GARIN1A: variants seen among roughly 807,000 people sequenced by gnomAD.
The protein encoded by GARIN1A is golgi associated RAB2 interactor 1A.
the GARIN1A span, among the ~76,000 whole-genome samples, chr7:128,682,595 T>C: frequency 0.014 from 2,060 of 152,262 alleles, 52 homozygotes; most frequent in African/African-American, 0.047. Flanking sequence ...TTTGTGTTGT[T>C]TTTTGAGAAG....
chr7:128,708,308 T>C, the GARIN1A span, among the ~76,000 whole-genome samples: 2 of 152,012 alleles, frequency 1.3e-5, no homozygotes, highest in Non-Finnish European at 2.9e-5. Flanking sequence ...ATTATAGGTG[T>C]GAGTCATTGC....
At chr7:128,678,799 CAA>C in the GARIN1A span, among the ~76,000 whole-genome samples, 10 of 80,624 alleles carry the variant, frequency 1.2e-4, no homozygotes, top group Admixed American at 2.7e-4. Context: ...AACTCCATCT[CAA>C]AAAAAAAAAA....
the GARIN1A span, among the ~76,000 whole-genome samples, chr7:128,673,423 C>G: frequency 6.6e-6 from 1 of 152,164 alleles, no homozygotes. Context: ...CCAGAAGGGT[C>G]TTAAGCCATT....
the GARIN1A span, among the ~76,000 whole-genome samples, chr7:128,692,256 TG>T: frequency 6.6e-6 from 1 of 152,224 alleles, no homozygotes. Flanking sequence ...TGCCAGTGCC[TG>T]GGTCCTACTA....
the GARIN1A span, among the ~76,000 whole-genome samples, chr7:128,701,605 A>C: frequency 1.5e-4 from 23 of 152,014 alleles, no homozygotes; most frequent in African/African-American, 5.6e-4. Flanking sequence ...CCAGAGTGGC[A>C]GGGTGAGTAG....
chr7:128,677,676 C>T, the GARIN1A span: 1 of 1,613,694 alleles, frequency 6.2e-7, no homozygotes, highest in Non-Finnish European at 8.5e-7. Flanking sequence ...CGAAAAACAC[C>T]CAGAGATTGT....
chr7:128,705,665 T>G, the GARIN1A span, among the ~76,000 whole-genome samples: 1 of 136,082 alleles, frequency 7.3e-6, no homozygotes, highest in African/African-American at 2.8e-5. Context: ...GTTTTTTTTT[T>G]TTTTTTTTTT....
the GARIN1A span, chr7:128,684,614 C>CAAAAAAAAAAAAA: frequency 1.1e-5 from 1 of 92,360 alleles, no homozygotes; most frequent in Non-Finnish European, 2.0e-5. Flanking sequence ...GACTCCATCT[C>CAAAAAAAAAAAAA]AAAAAAAAAA....
chr7:128,674,996 CTCA>C, the GARIN1A span, among the ~76,000 whole-genome samples: 6 of 152,152 alleles, frequency 3.9e-5, no homozygotes, highest in African/African-American at 1.4e-4. Flanking sequence ...GGCGTCCCTC[CTCA>C]TATGTTCCTT....
chr7:128,672,287 TG>T, the GARIN1A span: 1 of 882,262 alleles, frequency 1.1e-6, no homozygotes, highest in Non-Finnish European at 1.7e-6. Context: ...CGTAAGTAAA[TG>T]GGGAGGAAAT....
chr7:128,706,522 T>C, the GARIN1A span, among the ~76,000 whole-genome samples: 2 of 152,206 alleles, frequency 1.3e-5, no homozygotes, highest in African/African-American at 4.8e-5. Flanking sequence ...TATTTTAAAC[T>C]GAGTTCATTT....
chr7:128,688,926 G>C, the GARIN1A span, among the ~76,000 whole-genome samples: 11 of 150,638 alleles, frequency 7.3e-5, no homozygotes, highest in East Asian at 1.2e-3. Flanking sequence ...TCAGCCTGCC[G>C]AGTGCCTGCG....
the GARIN1A span, chr7:128,690,573 C>T: frequency 6.6e-6 from 1 of 152,108 alleles, no homozygotes; most frequent in Admixed American, 6.5e-5. Flanking sequence ...GGTGAAATCA[C>T]TTTCACCCTT....
the GARIN1A span, chr7:128,690,730 A>G: frequency 6.6e-6 from 1 of 152,242 alleles, no homozygotes; most frequent in East Asian, 1.9e-4. Flanking sequence ...AATGAAGTCA[A>G]CTCAGAAAAA....
chr7:128,707,963 C>A, the GARIN1A span, among the ~76,000 whole-genome samples: 2 of 148,446 alleles, frequency 1.3e-5, no homozygotes, highest in Non-Finnish European at 3.0e-5. Context: ...TACTTCCTTC[C>A]TCCTTTATTT....
At chr7:128,708,081 T>A in the GARIN1A span, among the ~76,000 whole-genome samples, 593 of 152,160 alleles carry the variant, frequency 3.9e-3, 3 homozygotes, top group African/African-American at 0.014. Flanking sequence ...TGGTATGTCA[T>A]GGCTCACTGC....
chr7:128,689,646 C>T, the GARIN1A span, among the ~76,000 whole-genome samples: 1 of 151,680 alleles, frequency 6.6e-6, no homozygotes, highest in Non-Finnish European at 1.5e-5. Flanking sequence ...GCAGCCACCC[C>T]GTCTGGGAAG....
At chr7:128,692,422 T>C in the GARIN1A span, among the ~76,000 whole-genome samples, 1 of 152,230 alleles carries the variant, frequency 6.6e-6, no homozygotes, top group Admixed American at 6.5e-5. Context: ...TCTCAGAATC[T>C]ATTTCTTAGA....
the GARIN1A span, among the ~76,000 whole-genome samples, chr7:128,694,999 GC>G: frequency 5.3e-5 from 8 of 152,288 alleles, no homozygotes; most frequent in East Asian, 1.5e-3. Flanking sequence ...TTGCCTTCTT[GC>G]TTTAAGGTCT....
Sources: allele counts gnomAD v4.1 joint callset (sites outside exome capture counted in the v4.1 genomes callset), GRCh38; gene constraint gnomAD v4.1.1; transcripts MANE v1.5; gene names NCBI Gene and HGNC (gene_info 2026-07-23, HGNC 2026-07-21).